The following ACYP2 variants were observed in gnomAD, a reference collection of about 807,000 sequenced individuals.
ACYP2 encodes the protein acylphosphatase 2.
A neutral mutation model predicts 11.2 loss-of-function variants in ACYP2; 12 were observed. The observed-to-expected ratio is 1.08, with a 90% confidence interval of 0.69 to 1.74. The LOEUF (loss-of-function observed/expected upper bound fraction) is 1.74. Among genes scored for constraint, ACYP2 ranks in the 40% most tolerant of loss-of-function variants. The pLI is 0.00. For missense variants in ACYP2, 134 were observed against 101.9 expected (o/e 1.31, Z -1.35); for synonymous variants, 43 against 32.2 (o/e 1.33, Z -1.13).
At chr2:54,201,340 C>T (rs1684749612) in intron 6 of ACYP2, among the ~76,000 whole-genome samples, 1 of 152,060 alleles carries the variant, frequency 6.6e-6, no homozygotes, top group Non-Finnish European at 1.5e-5. Flanking sequence ...CTCCTGACCT[C>T]GTGATCCACC....
At chr2:54,278,457 T>A (rs898468372) in intron 6 of ACYP2, among the ~76,000 whole-genome samples, 1 of 152,362 alleles carries the variant, frequency 6.6e-6, no homozygotes, top group East Asian at 1.9e-4. Context: ...TTTGTTGCAC[T>A]GTGACAATAG....
intron 2 of ACYP2, among the ~76,000 whole-genome samples, chr2:54,023,767 C>T (rs1674125076): frequency 6.6e-6 from 1 of 152,038 alleles, no homozygotes; most frequent in Non-Finnish European, 1.5e-5. Context: ...AAACTCTGAA[C>T]AGACCAATAA....
chr2:54,149,940 A>G (rs890838372), intron 6 of ACYP2, among the ~76,000 whole-genome samples: 1 of 152,208 alleles, frequency 6.6e-6, no homozygotes, highest in African/African-American at 2.4e-5. Context: ...AGGAAAGGGT[A>G]AATGTTCTCT....
chr2:54,301,399 T>G (rs923051061), intron 6 of ACYP2, among the ~76,000 whole-genome samples: 1 of 152,172 alleles, frequency 6.6e-6, no homozygotes, highest in African/African-American at 2.4e-5. Flanking sequence ...CTTCTCCCTT[T>G]ATATAATATA....
intron 6 of ACYP2, among the ~76,000 whole-genome samples, chr2:54,219,905 A>ATATATATATTTTTTT (rs1288814375): frequency 1.3e-5 from 1 of 76,000 alleles, no homozygotes; most frequent in Non-Finnish European, 2.4e-5. Flanking sequence ...ATATATATAT[A>ATATATATATTTTTTT]TTTTTTTTTT....
At chr2:54,254,744 G>A (rs919190028) in intron 6 of ACYP2, 1 of 617,838 alleles carries the variant, frequency 1.6e-6, no homozygotes, top group Non-Finnish European at 2.8e-6. Context: ...TGAAAGGGGA[G>A]CAGCACAGCC....
At chr2:53,975,412 T>A (rs1238359131) in intron 2 of ACYP2, 1 of 394,662 alleles carries the variant, frequency 2.5e-6, no homozygotes, top group Admixed American at 4.4e-5. Flanking sequence ...TAGAAGACCT[T>A]TCTTTCGGGG....
At chr2:54,158,130 A>G (rs1194186827) in intron 6 of ACYP2, among the ~76,000 whole-genome samples, 1 of 151,278 alleles carries the variant, frequency 6.6e-6, no homozygotes, top group African/African-American at 2.4e-5. Context: ...GGTTCAAGCA[A>G]TTCTCCTGCT....
At chr2:54,191,274 C>G (rs1304196612) in intron 6 of ACYP2, among the ~76,000 whole-genome samples, 4 of 152,208 alleles carry the variant, frequency 2.6e-5, no homozygotes, top group Non-Finnish European at 5.9e-5. Context: ...CTCCGCCGTA[C>G]CATCCTCTCT....
chr2:54,224,444 T>C (rs1050323212), intron 6 of ACYP2, among the ~76,000 whole-genome samples: 2 of 152,216 alleles, frequency 1.3e-5, no homozygotes, highest in Non-Finnish European at 2.9e-5. Context: ...GGGCCTTCTA[T>C]GGACTCAGAA....
At chr2:54,297,323 A>C (rs1689560134) in intron 6 of ACYP2, among the ~76,000 whole-genome samples, 1 of 152,064 alleles carries the variant, frequency 6.6e-6, no homozygotes, top group South Asian at 2.1e-4. Context: ...CTGAGACTCC[A>C]TCTCCACACA....
chr2:54,051,512 C>A lies in ACYP2; in HGVS notation c.155+462C>A. 9.9e-6 allele frequency: 7 copies of A among 707,590 alleles called. No homozygotes were observed. In the Admixed American group the frequency reaches 1.2e-4, roughly 13 times the overall value. The allele number at this position is 707,590 out of a possible 1,614,324, so 43.8% of individuals were successfully genotyped here. A position where few individuals can be genotyped will look rare whatever the true frequency, so the allele number is the denominator to read the frequency against. Reference sequence around the variant, plus strand: ...AAGAGGACTCCTTTGGGCTTTTTTTCTGTTCTGTTCTGAGAATTGCCCAAA... The same window carrying A: ...AAGAGGACTCCTTTGGGCTTTTTTTATGTTCTGTTCTGAGAATTGCCCAAA... On this transcript the variant is annotated intron_variant, in intron 3 of 6. Transcript: ENST00000607452.
intron 6 of ACYP2, among the ~76,000 whole-genome samples, chr2:54,223,730 C>G (rs1182955541): frequency 6.6e-6 from 1 of 152,138 alleles, no homozygotes; most frequent in East Asian, 1.9e-4. Context: ...AACTTTAGTT[C>G]TCACTCATTT....
intron 6 of ACYP2, among the ~76,000 whole-genome samples, chr2:54,304,111 C>T (rs1448459391): frequency 2.6e-5 from 4 of 151,862 alleles, no homozygotes; most frequent in African/African-American, 4.8e-5. Flanking sequence ...TGGTAAGAAA[C>T]AGTATTTGAA....
chr2:54,159,402 C>G (rs981599557), intron 6 of ACYP2, among the ~76,000 whole-genome samples: 1 of 145,880 alleles, frequency 6.9e-6, no homozygotes, highest in Admixed American at 7.0e-5. Context: ...GAGACAGGGT[C>G]TGACTATGTT....
At chr2:54,070,480 G>A (rs889325834) in intron 4 of ACYP2, among the ~76,000 whole-genome samples, 5 of 152,036 alleles carry the variant, frequency 3.3e-5, no homozygotes, top group Admixed American at 6.6e-5. Context: ...ACTATCTGCC[G>A]TTCCTCTGCA....
At chr2:54,141,251 A>G (rs1425407646) in intron 6 of ACYP2, among the ~76,000 whole-genome samples, 2 of 152,028 alleles carry the variant, frequency 1.3e-5, no homozygotes, top group African/African-American at 2.4e-5. Flanking sequence ...TAATTTGCCT[A>G]TTGGTTTCGT....
intron 4 of ACYP2, among the ~76,000 whole-genome samples, chr2:54,092,872 C>T (rs1678307470): frequency 6.6e-6 from 1 of 152,178 alleles, no homozygotes; most frequent in Non-Finnish European, 1.5e-5. Flanking sequence ...TGCTTGACAA[C>T]CTACCTTGAG....
At chr2:54,082,225 T>C (rs1266297247) in intron 4 of ACYP2, among the ~76,000 whole-genome samples, 1 of 152,138 alleles carries the variant, frequency 6.6e-6, no homozygotes. Flanking sequence ...AAACATAATT[T>C]GTACACATAT....
Sources: allele counts gnomAD v4.1 joint callset (sites outside exome capture counted in the v4.1 genomes callset), GRCh38; gene constraint gnomAD v4.1.1; transcripts MANE v1.5; gene names NCBI Gene and HGNC (gene_info 2026-07-23, HGNC 2026-07-21).